DCLK1: variants seen among roughly 807,000 people sequenced by gnomAD.
The protein encoded by DCLK1 is doublecortin like kinase 1, also known as serine/threonine-protein kinase DCLK1.
In DCLK1, 16 loss-of-function variants were observed where a neutral mutation model predicts 86.2. The ratio of observed to expected loss-of-function variants is 0.19; its 90% CI spans 0.13 to 0.28. The LOEUF (loss-of-function observed/expected upper bound fraction) is 0.28. DCLK1 is among the 10% of genes least tolerant of loss of function. The pLI, the probability that DCLK1 is intolerant of heterozygous loss-of-function variation, is 1.00. For synonymous variants in DCLK1, 369 were observed against 370.5 expected (o/e 1.00, Z 0.05); for missense variants, 590 against 940.2 (o/e 0.63, Z 4.87).
chr13:35,999,207 A>G (rs959897159), intron 3 of DCLK1, among the ~76,000 whole-genome samples: 13 of 152,114 alleles, frequency 8.5e-5, no homozygotes, highest in Admixed American at 4.6e-4. Context: ...GTGAGCCGAG[A>G]TCATGCCACT....
At chr13:35,849,867 A>G (rs1870483803) in intron 6 of DCLK1, 1 of 544,464 alleles carries the variant, frequency 1.8e-6, no homozygotes, top group Non-Finnish European at 2.3e-6. Context: ...GTCTGTATGG[A>G]AAAAAAAAAA....
chr13:35,946,410 T>C (rs1308374860), intron 4 of DCLK1, among the ~76,000 whole-genome samples: 1 of 152,226 alleles, frequency 6.6e-6, no homozygotes, highest in Non-Finnish European at 1.5e-5. Context: ...ACATCTGCAG[T>C]GTTGGAGTGA....
intron 15 of DCLK1, among the ~76,000 whole-genome samples, chr13:35,798,940 G>A (rs1449976831): frequency 2.0e-5 from 3 of 151,934 alleles, no homozygotes; most frequent in African/African-American, 7.3e-5. Context: ...TTGGATATCT[G>A]GACTTAGCAG....
chr13:36,103,658 C>T (rs187941364), intron 3 of DCLK1, among the ~76,000 whole-genome samples: 129 of 152,202 alleles, frequency 8.5e-4, no homozygotes, highest in African/African-American at 3.0e-3. Context: ...TTTAAAGTTC[C>T]ATTTAATTTC....
intron 4 of DCLK1, among the ~76,000 whole-genome samples, chr13:35,872,257 A>T (rs371660757): frequency 2.4e-4 from 37 of 152,354 alleles, no homozygotes; most frequent in Middle Eastern, 6.8e-3. Context: ...ACCCATGATC[A>T]AATGATACTT....
intron 3 of DCLK1, among the ~76,000 whole-genome samples, chr13:35,955,533 T>C (rs550180923): frequency 6.6e-6 from 1 of 152,236 alleles, no homozygotes; most frequent in South Asian, 2.1e-4. Context: ...ACTATCGCCT[T>C]GGAGGTTAGG....
chr13:35,866,102 CT>C (rs924414578), intron 5 of DCLK1, among the ~76,000 whole-genome samples: 2 of 152,148 alleles, frequency 1.3e-5, no homozygotes, highest in African/African-American at 4.8e-5. Flanking sequence ...CCATTCTGAA[CT>C]CTGGGACTCA....
At chr13:35,955,815 T>C (rs1222508952) in intron 3 of DCLK1, among the ~76,000 whole-genome samples, 1 of 152,160 alleles carries the variant, frequency 6.6e-6, no homozygotes, top group Non-Finnish European at 1.5e-5. Context: ...ACACCAGGGA[T>C]GAGCAGCTAC....
intron 6 of DCLK1, among the ~76,000 whole-genome samples, chr13:35,845,401 T>C (rs553916446): frequency 2.9e-4 from 44 of 152,318 alleles, no homozygotes; most frequent in African/African-American, 9.9e-4. Flanking sequence ...TTAACTTTAT[T>C]TTTAAAACTA....
At chr13:35,872,126 C>T (rs1162992458) in intron 4 of DCLK1, among the ~76,000 whole-genome samples, 5 of 152,090 alleles carry the variant, frequency 3.3e-5, no homozygotes, top group Non-Finnish European at 5.9e-5. Flanking sequence ...TGTACAAACC[C>T]ACATATCTTG....
rs183499769 is a variant in DCLK1, at chr13:35,902,366, C to T, written c.824-31026G>A. Reference sequence around the variant, plus strand: ...ATTGCTAATCGATTTCCTACGCAAGCTTGGATATGGCCTCAGAATCCTTCC... The same window carrying T: ...ATTGCTAATCGATTTCCTACGCAAGTTTGGATATGGCCTCAGAATCCTTCC... On this transcript the variant is annotated intron_variant, in intron 4 of 16. Coordinates refer to ENST00000360631, the MANE Select transcript of DCLK1 (RefSeq NM_001330071.2). Among the ~76,000 whole-genome samples the T allele has an allele frequency of 4.7e-3, 723 of 152,322 alleles. 4 individuals carry two copies. Among genetic ancestry groups the T allele is most frequent in the African/African-American group, 0.017 (695 of 41,582 alleles).
chr13:35,843,207 C>A (rs1006480163), intron 6 of DCLK1, among the ~76,000 whole-genome samples: 1 of 152,104 alleles, frequency 6.6e-6, no homozygotes, highest in Non-Finnish European at 1.5e-5. Context: ...TCGCTAATTC[C>A]AAGGCATCTG....
At chr13:36,004,489 G>A (rs765964968) in intron 3 of DCLK1, among the ~76,000 whole-genome samples, 2 of 152,158 alleles carry the variant, frequency 1.3e-5, no homozygotes, top group Non-Finnish European at 2.9e-5. Context: ...AGAATATAAA[G>A]TGAAAATACA....
At chr13:35,877,768 C>T (rs1327329021) in intron 4 of DCLK1, among the ~76,000 whole-genome samples, 3 of 152,172 alleles carry the variant, frequency 2.0e-5, no homozygotes, top group Admixed American at 6.5e-5. Flanking sequence ...CAAGCTTCCT[C>T]TTAATTTGGC....
intron 6 of DCLK1, among the ~76,000 whole-genome samples, chr13:35,844,563 G>A (rs1294432880): frequency 2.6e-5 from 4 of 152,154 alleles, no homozygotes; most frequent in South Asian, 2.1e-4. Flanking sequence ...TCATGAAATC[G>A]TAGTTTGGAA....
At chr13:35,963,402 T>C (rs1333303573) in intron 3 of DCLK1, among the ~76,000 whole-genome samples, 2 of 152,148 alleles carry the variant, frequency 1.3e-5, no homozygotes, top group Non-Finnish European at 2.9e-5. Flanking sequence ...AATGTTTTGG[T>C]AGGGTAGGAG....
chr13:35,955,518 C>T (rs1464911436), intron 3 of DCLK1, among the ~76,000 whole-genome samples: 1 of 152,120 alleles, frequency 6.6e-6, no homozygotes, highest in Non-Finnish European at 1.5e-5. Context: ...GGCCCGCCTC[C>T]TAATACTATC....
intron 3 of DCLK1, among the ~76,000 whole-genome samples, chr13:36,048,875 C>T (rs561279045): frequency 8.9e-4 from 135 of 152,150 alleles, no homozygotes; most frequent in African/African-American, 3.1e-3. Context: ...CTCAGGACTC[C>T]GGATTCTGGC....
chr13:36,115,859 G>A (rs1885767353), intron 2 of DCLK1, among the ~76,000 whole-genome samples: 1 of 149,366 alleles, frequency 6.7e-6, no homozygotes, highest in African/African-American at 2.5e-5. Context: ...GTTGGAGGAT[G>A]AAATAATATC....
Sources: allele counts gnomAD v4.1 joint callset (sites outside exome capture counted in the v4.1 genomes callset), GRCh38; gene constraint gnomAD v4.1.1; transcripts MANE v1.5; gene names NCBI Gene and HGNC (gene_info 2026-07-23, HGNC 2026-07-21).